The following PARD3B variants were observed in gnomAD, a reference collection of about 807,000 sequenced individuals.
The protein encoded by PARD3B is partitioning defective 3 homolog B.
A neutral mutation model predicts 130.2 loss-of-function variants in PARD3B; 103 were observed. The observed-to-expected ratio is 0.79, with a 90% CI of 0.67 to 0.93. The LOEUF is 0.93. Ranked by LOEUF, PARD3B falls within the 40% of genes least tolerant of loss-of-function variation. The pLI is 0.00. For missense variants in PARD3B, 1,609 were observed against 1,499.2 expected, an observed-to-expected ratio of 1.07 and a Z score of -1.21; for synonymous variants, 583 against 553.2, an observed-to-expected ratio of 1.05 and a Z score of -0.76.
chr2:205,065,602 A>G (rs1700324092), intron 4 of PARD3B, among the ~76,000 whole-genome samples: 1 of 152,010 alleles, frequency 6.6e-6, no homozygotes, highest in East Asian at 1.9e-4. Flanking sequence ...ATGGGGGTGG[A>G]TTCCTCAAGA....
rs1247709628 is a variant in PARD3B, at chr2:205,340,521, G to C, written c.2630+38820G>C. Among the ~76,000 whole-genome samples, 4 of 152,032 alleles carry C rather than the reference G, an allele frequency of 2.6e-5. No homozygotes were observed. In the East Asian group the frequency reaches 7.7e-4, roughly 29 times the overall value. On this transcript the variant is annotated intron_variant, in intron 18 of 22. Transcript: ENST00000406610. ...GGAAGGGACACCCTCTTTAATAAAT[G>C]GTGTGGGAAAACTTGATATCTGTGT...
At chr2:204,848,866 G>C (rs1231651032) in intron 2 of PARD3B, among the ~76,000 whole-genome samples, 1 of 151,814 alleles carries the variant, frequency 6.6e-6, no homozygotes, top group Non-Finnish European at 1.5e-5. Context: ...AATTTTATTT[G>C]ACTTTGTTTT....
intron 22 of PARD3B, among the ~76,000 whole-genome samples, chr2:205,580,756 C>G (rs1180249397): frequency 1.3e-5 from 2 of 152,122 alleles, no homozygotes; most frequent in Admixed American, 6.5e-5. Flanking sequence ...TCTGTTTCAA[C>G]CATTCTACCA....
At chr2:204,780,059 C>A (rs1487979353) in intron 2 of PARD3B, among the ~76,000 whole-genome samples, 1 of 152,148 alleles carries the variant, frequency 6.6e-6, no homozygotes, top group Non-Finnish European at 1.5e-5. Flanking sequence ...TGCTGTGAGA[C>A]TCCCAAGGAG....
At chr2:204,863,001 C>T (rs939974615) in intron 2 of PARD3B, among the ~76,000 whole-genome samples, 35 of 152,192 alleles carry the variant, frequency 2.3e-4, no homozygotes, top group African/African-American at 8.0e-4. Flanking sequence ...TCCACCCCGT[C>T]CTCCCAGTGT....
At chr2:204,904,883 T>A (rs1460563399) in intron 2 of PARD3B, among the ~76,000 whole-genome samples, 2 of 152,224 alleles carry the variant, frequency 1.3e-5, no homozygotes, top group African/African-American at 4.8e-5. Flanking sequence ...GATGTTAAAA[T>A]CTTAAGATTT....
At chr2:204,590,986 A>G (rs987731939) in intron 1 of PARD3B, among the ~76,000 whole-genome samples, 1 of 152,222 alleles carries the variant, frequency 6.6e-6, no homozygotes, top group Non-Finnish European at 1.5e-5. Context: ...TAATAAATTT[A>G]GTATCTCCAG....
At chr2:204,873,271 C>G (rs1247379138) in intron 2 of PARD3B, among the ~76,000 whole-genome samples, 1 of 152,080 alleles carries the variant, frequency 6.6e-6, no homozygotes, top group Non-Finnish European at 1.5e-5. Flanking sequence ...GTCTTTTACC[C>G]TAAAGAGGAC....
intron 4 of PARD3B, among the ~76,000 whole-genome samples, chr2:205,069,266 T>C (rs1054613569): frequency 6.6e-6 from 1 of 152,136 alleles, no homozygotes; most frequent in African/African-American, 2.4e-5. Context: ...TTGTTTGTTT[T>C]GGTTAGATTT....
chr2:205,077,526 G>A (rs1034405869), intron 4 of PARD3B, among the ~76,000 whole-genome samples: 10 of 152,138 alleles, frequency 6.6e-5, no homozygotes, highest in African/African-American at 1.2e-4. Flanking sequence ...AGAGAAAGCC[G>A]TGAAGTTCAT....
At chr2:204,868,457 G>A (rs1044308236) in intron 2 of PARD3B, among the ~76,000 whole-genome samples, 1 of 151,982 alleles carries the variant, frequency 6.6e-6, no homozygotes, top group African/African-American at 2.4e-5. Flanking sequence ...AATATATGAG[G>A]TTTAAAAATT....
At chr2:204,822,188 T>C (rs564206304) in intron 2 of PARD3B, among the ~76,000 whole-genome samples, 2 of 152,256 alleles carry the variant, frequency 1.3e-5, no homozygotes, top group Admixed American at 1.3e-4. Context: ...CTGGGTGACT[T>C]TGAGAGGTTC....
intron 5 of PARD3B, 71 bp from the exon 6 acceptor site, chr2:205,113,420 G>GTGTA: frequency 1.2e-6 from 1 of 861,080 alleles, no homozygotes; most frequent in Non-Finnish European, 1.9e-6. Context: ...GTGTGTGTGT[G>GTGTA]TGTATTTTAG....
At chr2:205,133,769 T>G (rs1006880083) in intron 10 of PARD3B, among the ~76,000 whole-genome samples, 1 of 152,190 alleles carries the variant, frequency 6.6e-6, no homozygotes, top group African/African-American at 2.4e-5. Flanking sequence ...CAATTACCCC[T>G]GATTCATTTA....
At chr2:205,452,354 G>A (rs1016922132) in intron 20 of PARD3B, among the ~76,000 whole-genome samples, 3 of 152,258 alleles carry the variant, frequency 2.0e-5, no homozygotes, top group African/African-American at 2.4e-5. Flanking sequence ...TCATGACTTC[G>A]TGTGGCTGTG....
chr2:205,142,319 A>C lies in PARD3B; in HGVS notation c.1435-16403A>C, dbSNP rs970520724. Among the ~76,000 whole-genome samples, 1 of 152,210 alleles carries C rather than the reference A, an allele frequency of 6.6e-6. No homozygotes were observed. Among genetic ancestry groups the C allele is most frequent in the African/African-American group, 2.4e-5 (1 of 41,456 alleles). On this transcript the variant is annotated intron_variant, in intron 10 of 22. Coordinates refer to ENST00000406610, the MANE Select transcript of PARD3B (RefSeq NM_001302769.2). This position sits in a 1 kb window ranked among gnomAD's most constrained non-coding sequence, Gnocchi z 4.3. ...TGATTAATTCCAGTTTCCTTTACTAAACATGATAAAAAGTTTAGGTGAGAG... is the reference window on the plus strand; with the variant it reads ...TGATTAATTCCAGTTTCCTTTACTACACATGATAAAAAGTTTAGGTGAGAG...
At chr2:204,744,612 G>A (rs1332269233) in intron 2 of PARD3B, among the ~76,000 whole-genome samples, 1 of 152,104 alleles carries the variant, frequency 6.6e-6, no homozygotes, top group Non-Finnish European at 1.5e-5. Flanking sequence ...GGGCCAGTCA[G>A]ATGAAACTGG....
Position 205,263,112 on chromosome 2 carries a change from A to G in PARD3B, c.2185+17290A>G, listed in dbSNP as rs1013864673. Among the ~76,000 whole-genome samples, 5 of 152,112 alleles carry G rather than the reference A, an allele frequency of 3.3e-5. No homozygotes were observed. Among genetic ancestry groups the G allele is most frequent in the African/African-American group, 4.8e-5 (2 of 41,438 alleles). On this transcript the variant is annotated intron_variant, in intron 16 of 22. Transcript: ENST00000406610. The surrounding 1 kb of genome is among the most constrained non-coding windows in gnomAD (Gnocchi z 4.0). ...AAGAGATGAAGGAAAAGAGGTGGATATTAGAGAAGATATGTTATTCCCTTT... is the reference window on the plus strand; with the variant it reads ...AAGAGATGAAGGAAAAGAGGTGGATGTTAGAGAAGATATGTTATTCCCTTT...
In PARD3B at chr2:204,989,548, C is replaced by A. The variant is rs570628193; in HGVS notation, c.394+24225C>A. Among the ~76,000 whole-genome samples the A allele has an allele frequency of 3.9e-5, 6 of 152,304 alleles. No individual in the cohort carries two copies. The South Asian group carries it at 1.2e-3, about 32-fold the overall frequency. ...ATTTGAGAAACTGGGCTGTCATTATCTTTGAAGTCCCCTCTGTACCCCTTG... is the reference window on the plus strand; with the variant it reads ...ATTTGAGAAACTGGGCTGTCATTATATTTGAAGTCCCCTCTGTACCCCTTG... On this transcript the variant is annotated intron_variant, in intron 3 of 22. Coordinates refer to ENST00000406610, the MANE Select transcript of PARD3B (RefSeq NM_001302769.2).
Sources: gnomAD v4.1 joint callset for allele counts (sites outside exome capture counted in the v4.1 genomes callset) on GRCh38, gnomAD v4.1.1 for gene constraint, Gnocchi (gnomAD v3.1) non-coding constraint, MANE v1.5 for transcripts, NCBI Gene and HGNC (gene_info 2026-07-23, HGNC 2026-07-21) for gene names.